PTK2B: variants seen among roughly 807,000 people sequenced by gnomAD.
PTK2B encodes protein-tyrosine kinase 2-beta.
A neutral mutation model predicts 142.9 loss-of-function variants in PTK2B; 71 were observed. The ratio of observed to expected loss-of-function variants is 0.50; its 90% CI spans 0.41 to 0.61. The LOEUF (loss-of-function observed/expected upper bound fraction) is 0.61, where lower values mean the gene tolerates loss of function less well. PTK2B is among the 20% of genes least tolerant of loss of function. PTK2B has a pLI of 0.00. For missense variants in PTK2B, 1,105 were observed against 1,320.4 expected, an observed-to-expected ratio of 0.84 and a Z score of 2.53; for synonymous variants, 519 against 503.4, an observed-to-expected ratio of 1.03 and a Z score of -0.42.
At chr8:27,425,112 TATATAAC>T (rs1315341941) in intron 5 of PTK2B, among the ~76,000 whole-genome samples, 1 of 151,888 alleles carries the variant, frequency 6.6e-6, no homozygotes, top group Non-Finnish European at 1.5e-5. Context: ...TTTGTTATAC[TATATAAC>T]ATATATCTGT....
chr8:27,415,972 C>A (rs1809379549), intron 2 of PTK2B, among the ~76,000 whole-genome samples: 1 of 152,194 alleles, frequency 6.6e-6, no homozygotes, highest in African/African-American at 2.4e-5. Flanking sequence ...TGCAGTGGTT[C>A]ATGCCTATAA....
chr8:27,425,191 G>C (rs1203446452), intron 5 of PTK2B, among the ~76,000 whole-genome samples: 1 of 150,996 alleles, frequency 6.6e-6, no homozygotes, highest in African/African-American at 2.4e-5. Context: ...ATATATGCTA[G>C]TATATAATAT....
chr8:27,339,378 G>C (rs986408477), intron 1 of PTK2B, among the ~76,000 whole-genome samples: 1 of 152,194 alleles, frequency 6.6e-6, no homozygotes, highest in African/African-American at 2.4e-5. Context: ...GGGTGAGACA[G>C]TCTGATCCAT....
At chr8:27,346,877 T>G (rs998931109) in intron 1 of PTK2B, among the ~76,000 whole-genome samples, 3 of 152,374 alleles carry the variant, frequency 2.0e-5, no homozygotes, top group African/African-American at 7.2e-5. Context: ...CCTTTGGTGC[T>G]GAACTGCACT....
intron 2 of PTK2B, among the ~76,000 whole-genome samples, chr8:27,402,226 G>T (rs562732124): frequency 6.6e-6 from 1 of 152,146 alleles, no homozygotes; most frequent in East Asian, 1.9e-4. Context: ...AATGACAGGA[G>T]ATTCACGAAT....
chr8:27,377,153 C>A (rs1357963032), intron 1 of PTK2B, among the ~76,000 whole-genome samples: 1 of 152,108 alleles, frequency 6.6e-6, no homozygotes, highest in East Asian at 1.9e-4. Context: ...CTAGGAAAGA[C>A]CTCTTTGGTA....
intron 1 of PTK2B, among the ~76,000 whole-genome samples, chr8:27,345,032 G>A (rs1804632099): frequency 6.6e-6 from 1 of 152,164 alleles, no homozygotes; most frequent in African/African-American, 2.4e-5. Flanking sequence ...ACATGGTGGT[G>A]GGCACCTGTA....
At chr8:27,435,026 G>A (rs372032076) in intron 13 of PTK2B, among the ~76,000 whole-genome samples, 5 of 152,212 alleles carry the variant, frequency 3.3e-5, no homozygotes, top group African/African-American at 9.6e-5. Flanking sequence ...AGTAGTAATC[G>A]CTAGTGTGTA....
At chr8:27,437,308 C>G (rs2132160342) in intron 16 of PTK2B, 88 bp from the exon 17 acceptor site, 1 of 1,546,586 alleles carries the variant, frequency 6.5e-7, no homozygotes, top group South Asian at 1.1e-5. Flanking sequence ...GGAGGGGTTC[C>G]CGTCCTCCCA....
intron 1 of PTK2B, among the ~76,000 whole-genome samples, chr8:27,361,968 C>T (rs1389751610): frequency 1.3e-5 from 2 of 152,172 alleles, no homozygotes; most frequent in Non-Finnish European, 2.9e-5. Flanking sequence ...CAAGCACACT[C>T]TATGTGTTCA....
At position 27,437,990 on chromosome 8, in the gene PTK2B, C is replaced by T. The variant is rs1810898901; in HGVS notation, c.1643+110C>T. Reference sequence around the variant, plus strand: ...GGTGACACAGAGCAGTGTTGGAATCCCAGCAATTGGCCCAGCAGCTTTGAG... The same window carrying T: ...GGTGACACAGAGCAGTGTTGGAATCTCAGCAATTGGCCCAGCAGCTTTGAG... On this transcript the variant is annotated intron_variant, in intron 18 of 30. Coordinates refer to ENST00000346049, the MANE Select transcript of PTK2B (RefSeq NM_173176.3). 6 of 962,028 alleles carry T rather than the reference C, an allele frequency of 6.2e-6. No individual in the cohort carries two copies. In the East Asian group the frequency reaches 1.0e-4, roughly 17 times the overall value. 59.6% of individuals were successfully genotyped at this position (962,028 alleles called of 1,614,324 possible).
chr8:27,385,930 G>A (rs1807325452), intron 1 of PTK2B, among the ~76,000 whole-genome samples: 1 of 149,972 alleles, frequency 6.7e-6, no homozygotes, highest in South Asian at 2.1e-4. Flanking sequence ...CCGAGGAGGA[G>A]ATAGAGATTG....
chr8:27,328,675 A>G (rs1208237638), intron 1 of PTK2B, among the ~76,000 whole-genome samples: 1 of 152,218 alleles, frequency 6.6e-6, no homozygotes, highest in African/African-American at 2.4e-5. Context: ...TGTGTCTTGA[A>G]TATTTGCAAG....
intron 5 of PTK2B, among the ~76,000 whole-genome samples, chr8:27,429,400 T>C (rs1031369150): frequency 1.3e-5 from 2 of 152,204 alleles, no homozygotes; most frequent in Non-Finnish European, 2.9e-5. Context: ...CAACAGTCAA[T>C]GAAATTACTA....
chr8:27,379,816 C>T (rs1806904098), intron 1 of PTK2B, among the ~76,000 whole-genome samples: 1 of 152,184 alleles, frequency 6.6e-6, no homozygotes, highest in Non-Finnish European at 1.5e-5. Flanking sequence ...TCTTGGCTCA[C>T]TGCAACCTCT....
At chr8:27,344,401 C>G (rs1563204969) in intron 1 of PTK2B, among the ~76,000 whole-genome samples, 1 of 152,166 alleles carries the variant, frequency 6.6e-6, no homozygotes, top group African/African-American at 2.4e-5. Flanking sequence ...ACCTTCTGAC[C>G]CCTCCCATCC....
At chr8:27,395,116 T>C (rs28566530) in intron 1 of PTK2B, among the ~76,000 whole-genome samples, 57,222 of 152,000 alleles carry the variant, frequency 0.38, 11,456 homozygotes, top group Middle Eastern at 0.5. Flanking sequence ...ATGATAAAAA[T>C]TATAGTAGAG....
chr8:27,311,555 T>C (rs1415979397), exon 1 of PTK2B: 1 of 404,174 alleles, frequency 2.5e-6, no homozygotes, highest in African/African-American at 2.1e-5. Flanking sequence ...GGCGGCGTAG[T>C]AGGGCTTCCG....
At chr8:27,328,425 A>G (rs927479780) in intron 1 of PTK2B, among the ~76,000 whole-genome samples, 24 of 152,230 alleles carry the variant, frequency 1.6e-4, no homozygotes, top group African/African-American at 5.5e-4. Flanking sequence ...GGGAACCTAG[A>G]GGAAGTTAAG....
Sources: allele counts gnomAD v4.1 joint callset (sites outside exome capture counted in the v4.1 genomes callset), GRCh38; gene constraint gnomAD v4.1.1; transcripts MANE v1.5; gene names NCBI Gene and HGNC (gene_info 2026-07-23, HGNC 2026-07-21).